DCDC2C: variants seen among roughly 807,000 people sequenced by gnomAD.
The protein encoded by DCDC2C is doublecortin domain-containing protein 2C.
Under a neutral mutation model 45.0 loss-of-function variants are expected in DCDC2C, and 44 were observed. The observed-to-expected ratio is 0.98, with a 90% CI of 0.77 to 1.26. The LOEUF (loss-of-function observed/expected upper bound fraction) is 1.26. Among genes scored for constraint, DCDC2C ranks in the 50% most tolerant of loss-of-function variants. The pLI is 0.00. For missense variants in DCDC2C, 447 were observed against 468.9 expected, an observed-to-expected ratio of 0.95 and a Z score of 0.43; for synonymous variants, 187 against 178.8, an observed-to-expected ratio of 1.05 and a Z score of -0.37.
In DCDC2C at chr2:3,841,231, T is replaced by C. The variant is rs1031497092; in HGVS notation, c.1066-5923T>C. On this transcript the variant is annotated intron_variant, in intron 10 of 10. Transcript: ENST00000399143. Reference sequence around the variant, plus strand: ...TTAGGGGAGACATTTTCAGCCACACTCAGGTGCCTGGTGGGTTGCAGGTTG... The same window carrying C: ...TTAGGGGAGACATTTTCAGCCACACCCAGGTGCCTGGTGGGTTGCAGGTTG... Among the ~76,000 whole-genome samples, 23 of 152,132 alleles carry C rather than the reference T, an allele frequency of 1.5e-4. 1 individual carries two copies. Among genetic ancestry groups the C allele is most frequent in the Non-Finnish European group, 2.5e-4 (17 of 68,028 alleles).
intron 10 of DCDC2C, among the ~76,000 whole-genome samples, chr2:3,785,476 G>C (rs964641960): frequency 6.0e-5 from 9 of 151,030 alleles, no homozygotes; most frequent in African/African-American, 2.2e-4. Flanking sequence ...TTTCCAGGCA[G>C]TCATAAAAGC....
chr2:3,840,949 C>T (rs1371287819), intron 10 of DCDC2C, among the ~76,000 whole-genome samples: 2 of 152,336 alleles, frequency 1.3e-5, no homozygotes, highest in East Asian at 3.9e-4. Context: ...ACCATGCTCT[C>T]ATGACTATGC....
chr2:3,727,730 G>A (rs1373397419), intron 3 of DCDC2C, among the ~76,000 whole-genome samples: 1 of 152,226 alleles, frequency 6.6e-6, no homozygotes, highest in Non-Finnish European at 1.5e-5. Flanking sequence ...TGACTTGAAC[G>A]AAACGTTGGT....
intron 10 of DCDC2C, among the ~76,000 whole-genome samples, chr2:3,805,441 G>T (rs1671214594): frequency 6.6e-6 from 1 of 152,146 alleles, no homozygotes; most frequent in African/African-American, 2.4e-5. Flanking sequence ...GACTGAGGTG[G>T]ATGTTTCTGG....
chr2:3,754,704 A>G (rs1367695369), intron 6 of DCDC2C, 70 bp downstream of exon 6: 2 of 1,402,382 alleles, frequency 1.4e-6, no homozygotes, highest in African/African-American at 1.4e-5. Context: ...TAACAAGGGC[A>G]CAGCGCAGGG....
intron 3 of DCDC2C, among the ~76,000 whole-genome samples, chr2:3,740,132 GT>G (rs1669159508): frequency 1.3e-5 from 2 of 151,630 alleles, no homozygotes; most frequent in Non-Finnish European, 3.0e-5. Context: ...ATATCTGACC[GT>G]TTTTCCCCTG....
chr2:3,775,219 ACTAGGCAGCTGTGGCTCTGAG>A (rs1670302499), intron 8 of DCDC2C, among the ~76,000 whole-genome samples: 18 of 53,028 alleles, frequency 3.4e-4, no homozygotes, highest in South Asian at 7.3e-4. Flanking sequence ...GTGGCTGTGG[ACTAGGCAGCTGTGGCTCTGAG>A]CTAGGCAGCT....
At chr2:3,834,092 GC>G (rs1232958649) in intron 10 of DCDC2C, among the ~76,000 whole-genome samples, 5 of 88,998 alleles carry the variant, frequency 5.6e-5, no homozygotes, top group Admixed American at 2.5e-4. Flanking sequence ...TCCCCCTCCT[GC>G]CCCCCCTACC....
intron 3 of DCDC2C, among the ~76,000 whole-genome samples, chr2:3,741,287 A>G (rs1370312206): frequency 6.6e-6 from 1 of 152,212 alleles, no homozygotes; most frequent in Admixed American, 6.5e-5. Flanking sequence ...GAAAGGGAAA[A>G]CAGCTACATT....
At chr2:3,817,370 G>A (rs1671580537) in intron 10 of DCDC2C, among the ~76,000 whole-genome samples, 1 of 152,166 alleles carries the variant, frequency 6.6e-6, no homozygotes, top group Non-Finnish European at 1.5e-5. Flanking sequence ...GGATATGGAA[G>A]GCATATTTAC....
At chr2:3,725,709 G>GCAGAGAGGGAGGAGGCTGC (rs1668647304) in intron 2 of DCDC2C, among the ~76,000 whole-genome samples, 1 of 150,218 alleles carries the variant, frequency 6.7e-6, no homozygotes, top group Non-Finnish European at 1.5e-5. Context: ...AGGGAGATGA[G>GCAGAGAGGGAGGAGGCTGC]CAAAGAGTGA....
intron 7 of DCDC2C, among the ~76,000 whole-genome samples, chr2:3,768,178 T>C (rs1670066050): frequency 6.6e-6 from 1 of 152,134 alleles, no homozygotes; most frequent in African/African-American, 2.4e-5. Context: ...ACTGATGACG[T>C]AGAAAACAAC....
intron 10 of DCDC2C, among the ~76,000 whole-genome samples, chr2:3,811,017 G>C (rs1041674739): frequency 2.0e-5 from 3 of 152,168 alleles, no homozygotes; most frequent in Non-Finnish European, 4.4e-5. Flanking sequence ...GTAGTGTGAT[G>C]CCTCCAGCTT....
chr2:3,826,300 C>T (rs1055904299), intron 10 of DCDC2C, among the ~76,000 whole-genome samples: 37 of 152,012 alleles, frequency 2.4e-4, no homozygotes, highest in African/African-American at 8.0e-4. Context: ...TTTCATGGCT[C>T]TTTATTTGTT....
chr2:3,713,315 T>C (rs1668267515), intron 2 of DCDC2C, among the ~76,000 whole-genome samples: 1 of 152,164 alleles, frequency 6.6e-6, no homozygotes, highest in Non-Finnish European at 1.5e-5. Flanking sequence ...TGAGTGAAGG[T>C]GCAAAGCAGC....
At position 3,784,971 on chromosome 2, in the gene DCDC2C, G is replaced by A. The variant is rs1670612022; in HGVS notation, c.1024-88G>A. 3.0e-6 allele frequency: 3 copies of A among 988,264 alleles called. No individual in the cohort carries two copies. In the Admixed American group the frequency reaches 1.3e-4, roughly 42 times the overall value. The allele number at this position is 988,264 out of a possible 1,614,324, so 61.2% of individuals were successfully genotyped here. On this transcript the variant is annotated intron_variant, in intron 9 of 10. Transcript: ENST00000399143. ...GAGAAAGAATTTGACCTCCCTGAGA[G>A]GCAGAGTAGAGGTGGGGGAGATTAA... is the stretch of plus-strand genomic sequence containing the variant.
chr2:3,791,108 C>CAAA (rs11453433), intron 10 of DCDC2C, among the ~76,000 whole-genome samples: 49 of 150,118 alleles, frequency 3.3e-4, no homozygotes, highest in Non-Finnish European at 6.2e-4. Flanking sequence ...GACTCTGTCT[C>CAAA]AAAAAAAAAG....
At chr2:3,726,108 C>T (rs1668676853) in intron 2 of DCDC2C, 1 of 152,312 alleles carries the variant, frequency 6.6e-6, no homozygotes, top group African/African-American at 2.4e-5. Flanking sequence ...GACAGGGTCC[C>T]AATCCAGGGG....
chr2:3,741,798 T>C (rs1669218062), intron 3 of DCDC2C, 122 bp from the exon 4 acceptor site: 1 of 1,083,144 alleles, frequency 9.2e-7, no homozygotes, highest in African/African-American at 1.6e-5. Context: ...GTATGAAGTA[T>C]TGGAGGCTGC....
Sources: gnomAD v4.1 joint callset for allele counts (sites outside exome capture counted in the v4.1 genomes callset) on GRCh38, gnomAD v4.1.1 for gene constraint, MANE v1.5 for transcripts, NCBI Gene and HGNC (gene_info 2026-07-23, HGNC 2026-07-21) for gene names.